IFRD1: variants seen among roughly 807,000 people sequenced by gnomAD.
IFRD1 encodes the protein interferon related developmental regulator 1.
Under a neutral mutation model 52.9 loss-of-function variants are expected in IFRD1, and 35 were observed. The ratio of observed to expected loss-of-function variants is 0.66; its 90% CI spans 0.51 to 0.88. The LOEUF is 0.88. IFRD1 is among the 40% of genes least tolerant of loss of function. IFRD1 has a pLI of 0.00. For missense variants in IFRD1, 517 were observed against 550.8 expected, an observed-to-expected ratio of 0.94 and a Z score of 0.61; for synonymous variants, 184 against 188.4, an observed-to-expected ratio of 0.98 and a Z score of 0.19.
At chr7:112,462,948 C>T (rs1016522980) in intron 8 of IFRD1, among the ~76,000 whole-genome samples, 3 of 152,146 alleles carry the variant, frequency 2.0e-5, no homozygotes, top group African/African-American at 7.2e-5. Flanking sequence ...GATCAGTCGA[C>T]CCAATTTGCT....
intron 1 of IFRD1, among the ~76,000 whole-genome samples, chr7:112,439,186 T>A (rs746484547): frequency 6.6e-6 from 1 of 152,208 alleles, no homozygotes; most frequent in East Asian, 1.9e-4. Context: ...GACAGAATTC[T>A]GTGGAGGCGG....
At chr7:112,463,632 C>G (rs964324421) in intron 8 of IFRD1, among the ~76,000 whole-genome samples, 6 of 152,060 alleles carry the variant, frequency 3.9e-5, no homozygotes, top group Non-Finnish European at 8.8e-5. Flanking sequence ...AGCTTCTTAA[C>G]CTCAACGCAT....
chr7:112,445,067 T>C lies in IFRD1; in HGVS notation c.-181-5441T>C, dbSNP rs990007660. Among the ~76,000 whole-genome samples the C allele has an allele frequency of 1.3e-4, 19 of 142,752 alleles. No individual in the cohort carries two copies. The East Asian group carries it at 1.6e-3, about 12-fold the overall frequency. The allele number at this position is 142,752 out of a possible 152,430, so 93.7% of individuals were successfully genotyped here. On this transcript the variant is annotated intron_variant, in intron 1 of 12. Coordinates refer to the IFRD1 transcript ENST00000005558. ...ATCAGATAGGCCTAGGCTTTCTTTT[T>C]TTTTTTTTTTTTTTTTTGAAACAGG...
chr7:112,439,215 C>T (rs1295323057), intron 1 of IFRD1, among the ~76,000 whole-genome samples: 1 of 152,166 alleles, frequency 6.6e-6, no homozygotes, highest in African/African-American at 2.4e-5. Flanking sequence ...GGGCAGGGCC[C>T]TATGTTCGTA....
chr7:112,461,641 T>C (rs1394461128), intron 5 of IFRD1: 2 of 314,294 alleles, frequency 6.4e-6, no homozygotes, highest in Admixed American at 9.1e-5. Context: ...AATCACTTTG[T>C]TAAAGTCATG....
At position 112,472,209 on chromosome 7, in the gene IFRD1, C is replaced by T. The variant is rs1795766792; in HGVS notation, c.1042-10C>T. 6.2e-7 allele frequency: 1 copy of T among 1,613,604 alleles called. No individual in the cohort carries two copies. On this transcript the variant is annotated splice_polypyrimidine_tract_variant and intron_variant, in intron 9 of 11. Coordinates refer to ENST00000403825, the MANE Select transcript of IFRD1 (RefSeq NM_001550.4). ...GTGCCTGTGGTAATTTTGGTTCTTCCATTGGTTAGGAACGGGATTTTCCAA... is the reference window on the plus strand; with the variant it reads ...GTGCCTGTGGTAATTTTGGTTCTTCTATTGGTTAGGAACGGGATTTTCCAA...
At chr7:112,454,030 T>C (rs11768354) in intron 1 of IFRD1, among the ~76,000 whole-genome samples, 62,970 of 152,042 alleles carry the variant, frequency 0.41, 13,754 homozygotes, top group African/African-American at 0.46. Context: ...GGGCAGAATT[T>C]GGGACTTAAT....
At chr7:112,452,006 G>T in intron 1 of IFRD1, 1 of 983,444 alleles carries the variant, frequency 1.0e-6, no homozygotes, top group Admixed American at 6.1e-5. Flanking sequence ...ATTGACCATA[G>T]GGAGGGATTC....
chr7:112,471,662 CAG>C (rs1795750944), intron 9 of IFRD1, among the ~76,000 whole-genome samples: 1 of 152,106 alleles, frequency 6.6e-6, no homozygotes, highest in Non-Finnish European at 1.5e-5. Context: ...GGTCTTCTGA[CAG>C]AATTGTTTCA....
intron 1 of IFRD1, among the ~76,000 whole-genome samples, chr7:112,444,928 A>C (rs945847808): frequency 2.6e-5 from 4 of 152,134 alleles, no homozygotes; most frequent in Non-Finnish European, 4.4e-5. Context: ...CCTGTACATT[A>C]TACCCTGAAT....
intron 1 of IFRD1, among the ~76,000 whole-genome samples, chr7:112,437,768 G>A (rs1794743599): frequency 6.6e-6 from 1 of 151,854 alleles, no homozygotes; most frequent in Admixed American, 6.6e-5. Context: ...ATTATGGATG[G>A]GATAAGGAAG....
Position 112,450,700 on chromosome 7 carries a change from CAA to C in IFRD1, c.13_14del (p.Lys5GlufsTer9). Reference protein sequence around the residue: MPKNKKRNTPHRGSS... With the variant: MPKNXKRNTPHRGSS... ...CCGGGCGTCCCACGATGCCGAAGAA[CAA>C]GAAGCGGAACACTCCCCACCGCGGT... On this transcript the variant is annotated frameshift_variant, in exon 1 of 12. Transcript: ENST00000403825. LOFTEE classifies it high-confidence loss of function. 1 of 1,612,900 alleles carries C rather than the reference CAA, an allele frequency of 6.2e-7. No individual in the cohort carries two copies. Among genetic ancestry groups the C allele is most frequent in the Non-Finnish European group, 8.5e-7 (1 of 1,179,832 alleles).
At chr7:112,450,458 C>T (rs1193202388), upstream of IFRD1, 6 of 576,132 alleles carry the variant, frequency 1.0e-5, no homozygotes, top group African/African-American at 9.4e-5. Context: ...CTCCCCTGCC[C>T]CGCCTTAGCT....
chr7:112,445,092 G>A (rs1292283622), intron 1 of IFRD1, among the ~76,000 whole-genome samples: 1 of 144,982 alleles, frequency 6.9e-6, no homozygotes, highest in African/African-American at 2.6e-5. Flanking sequence ...TTTGAAACAG[G>A]GTCTCGCTCT....
chr7:112,428,353 G>T (rs1178806150), intron 1 of IFRD1, among the ~76,000 whole-genome samples: 1 of 152,198 alleles, frequency 6.6e-6, no homozygotes, highest in East Asian at 1.9e-4. Context: ...GAGCGGCTGG[G>T]TGAAGGATAG....
intron 9 of IFRD1, among the ~76,000 whole-genome samples, chr7:112,468,863 A>G (rs1584500660): frequency 6.6e-6 from 1 of 152,336 alleles, no homozygotes; most frequent in African/African-American, 2.4e-5. Flanking sequence ...GCATTTTAAC[A>G]AGGCCACTTA....
rs748009871 is a variant in IFRD1, at chr7:112,476,240, A to G, written c.*721A>G. The G allele has an allele frequency of 1.3e-5, 2 of 152,268 alleles. No homozygotes were observed. Among genetic ancestry groups the G allele is most frequent in the South Asian group, 2.1e-4 (1 of 4,836 alleles). The allele number at this position is 152,268 out of a possible 1,614,324, so 9.4% of individuals were successfully genotyped here. On this transcript the variant is annotated 3_prime_UTR_variant, in exon 12 of 12. Coordinates refer to ENST00000403825, the MANE Select transcript of IFRD1 (RefSeq NM_001550.4). The stretch of plus-strand genomic sequence containing the variant: ...AATATTATTTATGGCTTTGAGGTAC[A>G]GAGTCCAAAATGACTAGGCCAGGTG...
rs571131408 is a variant in IFRD1 at position 112,429,029 on chromosome 7, G to A, written c.-182+5597G>A. On this transcript the variant is annotated intron_variant, in intron 1 of 12. Transcript: ENST00000005558. ...CTACAAATCTTTCTAGTTCAGAAAAGTAACTTTGACCTGTCTGTCCAAAAG... is the reference window on the plus strand; with the variant it reads ...CTACAAATCTTTCTAGTTCAGAAAAATAACTTTGACCTGTCTGTCCAAAAG... 3.3e-5 allele frequency among the ~76,000 whole-genome samples: 5 copies of A among 152,278 alleles called. No homozygotes were observed. The South Asian group carries it at 1.0e-3, about 32-fold the overall frequency.
intron 1 of IFRD1, among the ~76,000 whole-genome samples, chr7:112,428,776 A>T (rs1794484593): frequency 1.3e-5 from 2 of 152,118 alleles, no homozygotes; most frequent in South Asian, 4.1e-4. Flanking sequence ...CAGAGCCCCT[A>T]CCCTTTTAAA....
Sources: gnomAD v4.1 joint callset for allele counts (sites outside exome capture counted in the v4.1 genomes callset) on GRCh38, gnomAD v4.1.1 for gene constraint, MANE v1.5 for transcripts, NCBI Gene and HGNC (gene_info 2026-07-23, HGNC 2026-07-21) for gene names.